The following CRYBB2 variants were observed in gnomAD, a reference collection of about 807,000 sequenced individuals.
The protein encoded by CRYBB2 is beta-crystallin B2.
Under a neutral mutation model 24.3 loss-of-function variants are expected in CRYBB2, and 12 were observed. The observed-to-expected ratio is 0.49, with a 90% CI of 0.32 to 0.80. The LOEUF is 0.80. Ranked by LOEUF, CRYBB2 falls within the 30% of genes least tolerant of loss-of-function variation. CRYBB2 has a pLI of 0.04. For synonymous variants in CRYBB2, 98 were observed against 101.6 expected (o/e 0.96, Z 0.21); for missense variants, 198 against 268.5 (o/e 0.74, Z 1.83).
intron 5 of CRYBB2, 80 bp from the exon 6 acceptor site, chr22:25,231,524 C>T: frequency 1.4e-6 from 2 of 1,380,780 alleles, no homozygotes; most frequent in Non-Finnish European, 1.0e-6. Flanking sequence ...GATGCTCTAT[C>T]TCTCTCCCCT....
chr22:25,218,216 G>GCA (rs1569015429), upstream of CRYBB2, among the ~76,000 whole-genome samples: 3 of 149,676 alleles, frequency 2.0e-5, no homozygotes, highest in Non-Finnish European at 4.4e-5. Context: ...CTGAGATCGT[G>GCA]CCACTGCACT....
upstream of CRYBB2, among the ~76,000 whole-genome samples, chr22:25,219,141 C>T (rs1273976264): frequency 2.6e-5 from 4 of 152,188 alleles, no homozygotes; most frequent in Non-Finnish European, 4.4e-5. Context: ...AGGAGCTTTT[C>T]TGAATGGCCT....
upstream of CRYBB2, among the ~76,000 whole-genome samples, chr22:25,216,647 C>T (rs2146082073): frequency 6.6e-6 from 1 of 152,262 alleles, no homozygotes; most frequent in East Asian, 1.9e-4. Context: ...TACTGCATAG[C>T]ATAAAATTAA....
chr22:25,218,125 G>T (rs1403398433), upstream of CRYBB2, among the ~76,000 whole-genome samples: 1 of 150,932 alleles, frequency 6.6e-6, no homozygotes, highest in African/African-American at 2.4e-5. Context: ...CGGGCGTGTT[G>T]GCGGGCGCCT....
chr22:25,224,155 C>T (rs1569019216), intron 2 of CRYBB2, among the ~76,000 whole-genome samples: 2 of 151,604 alleles, frequency 1.3e-5, no homozygotes, highest in African/African-American at 4.8e-5. Flanking sequence ...TCACTGGAAC[C>T]ATGAAAGGTG....
In CRYBB2 at chr22:25,221,440, A is replaced by T. The variant is rs1935318166; in HGVS notation, c.11A>T (p.Asp4Val). 1.2e-5 allele frequency: 19 copies of T among 1,613,912 alleles called. No homozygotes were observed. Among genetic ancestry groups the T allele is most frequent in the Non-Finnish European group, 1.6e-5 (19 of 1,179,800 alleles). MAS[D>V]HQTQAGKPQS... is the part of the protein sequence containing the mutation. ...ACAGGACAGTCCACCATGGCCTCAG[A>T]TCACCAGACCCAGGCGGGCAAGCCA... Residue 4 changes from aspartate (D) to valine (V), a missense_variant, in exon 2 of 6, where the codon GAT becomes GTT. By Grantham distance (152) the Asp-to-Val change is radical. Coordinates refer to ENST00000398215, the MANE Select transcript of CRYBB2 (RefSeq NM_000496.3).
At chr22:25,218,798 GAAAGAAAGA>G, upstream of CRYBB2, among the ~76,000 whole-genome samples, 1 of 98,330 alleles carries the variant, frequency 1.0e-5, no homozygotes. Context: ...AAGAAAGAAA[GAAAGAAAGA>G]AAGAAAGAAA....
upstream of CRYBB2, among the ~76,000 whole-genome samples, chr22:25,219,368 G>A (rs73879217): frequency 6.4e-4 from 98 of 152,290 alleles, 1 homozygote; most frequent in African/African-American, 2.2e-3. Context: ...TGAACCCAGC[G>A]TACCCCTGGC....
intron 4 of CRYBB2, among the ~76,000 whole-genome samples, chr22:25,228,985 TGTGTGGGTGTGCGTGTGTGTGCAA>T (rs1222172270): frequency 6.6e-6 from 1 of 150,760 alleles, no homozygotes; most frequent in Non-Finnish European, 1.5e-5. Flanking sequence ...TGTGCACGCA[TGTGTGGGTGTGCGTGTGTGTGCAA>T]GTGTGGGTGT....
chr22:25,220,779 G>GTGCC (rs1468747551), intron 1 of CRYBB2, among the ~76,000 whole-genome samples: 1 of 152,214 alleles, frequency 6.6e-6, no homozygotes, highest in East Asian at 1.9e-4. Context: ...GCCTGCCACA[G>GTGCC]TGCCTGGATT....
At chr22:25,230,990 A>G (rs1287603147) in intron 5 of CRYBB2, among the ~76,000 whole-genome samples, 1 of 152,174 alleles carries the variant, frequency 6.6e-6, no homozygotes. Flanking sequence ...GGAGCCTGGT[A>G]GGTCTGAGAA....
chr22:25,231,646 C>T lies in CRYBB2; in HGVS notation c.492C>T (p.Tyr164=). The change falls in exon 6 of 6, where the codon TAC becomes TAT. Residue 164 remains tyrosine, a synonymous_variant. Coordinates refer to ENST00000398215, the MANE Select transcript of CRYBB2 (RefSeq NM_000496.3). ...YQYPGYRGLQ[Y]LLEKGDYKDS... is the part of the protein sequence containing the mutation. ...ACCCCGGCTACCGTGGGCTGCAGTA[C>T]CTGCTGGAGAAGGGAGACTACAAGG... 1 of 1,614,146 alleles carries T rather than the reference C, an allele frequency of 6.2e-7. No individual in the cohort carries two copies. The highest frequency in any genetic ancestry group is 8.5e-7 in the Non-Finnish European group (1 of 1,180,022).
upstream of CRYBB2, among the ~76,000 whole-genome samples, chr22:25,218,779 G>GAGAGAAGAAAGAAAGA (rs1935251085): frequency 8.7e-5 from 3 of 34,526 alleles, no homozygotes; most frequent in South Asian, 1.2e-3. Flanking sequence ...GAGAGAGAGA[G>GAGAGAAGAAAGAAAGA]AAGAAAGAAA....
chr22:25,214,853 G>A (rs960556074), upstream of CRYBB2, among the ~76,000 whole-genome samples: 16 of 152,346 alleles, frequency 1.1e-4, no homozygotes, highest in South Asian at 2.1e-4. Context: ...CTTCGTGGCT[G>A]TGAGCCTTTG....
At chr22:25,224,060 C>A (rs2146089261) in intron 2 of CRYBB2, among the ~76,000 whole-genome samples, 1 of 149,516 alleles carries the variant, frequency 6.7e-6, no homozygotes, top group South Asian at 2.1e-4. Flanking sequence ...GGAGGCGGAG[C>A]TTGCAGTGAG....
chr22:25,214,211 A>C (rs1569013649), intron 1 of CRYBB2, among the ~76,000 whole-genome samples: 1 of 152,072 alleles, frequency 6.6e-6, no homozygotes, highest in Non-Finnish European at 1.5e-5. Context: ...AGATGTGAAA[A>C]CCTGTAGTCT....
chr22:25,228,979 C>T (rs551640088), intron 4 of CRYBB2, among the ~76,000 whole-genome samples: 1 of 148,148 alleles, frequency 6.8e-6, no homozygotes, highest in African/African-American at 2.5e-5. Context: ...TGTGTGTGTG[C>T]ACGCATGTGT....
Position 25,229,594 on chromosome 22 carries a change from G to A in CRYBB2, c.449+16G>A. On this transcript the variant is annotated intron_variant, in intron 5 of 5. Coordinates refer to ENST00000398215, the MANE Select transcript of CRYBB2 (RefSeq NM_000496.3). ...AGAGTGGCACGTAAGTGCGTTGCCA[G>A]CCCTGGCTCACCCTGCCCCAGGAAC... is the stretch of plus-strand genomic sequence containing the variant. 1.2e-6 allele frequency: 2 copies of A among 1,614,060 alleles called. No individual in the cohort carries two copies. The highest frequency in any genetic ancestry group is 1.1e-5 in the South Asian group (1 of 91,008).
At chr22:25,230,826 T>C (rs1047637373) in intron 5 of CRYBB2, among the ~76,000 whole-genome samples, 2 of 150,692 alleles carry the variant, frequency 1.3e-5, no homozygotes, top group African/African-American at 4.9e-5. Flanking sequence ...GTAAATACTT[T>C]AAGAATTCAC....
Sources: allele counts gnomAD v4.1 joint callset (sites outside exome capture counted in the v4.1 genomes callset), GRCh38; gene constraint gnomAD v4.1.1; transcripts MANE v1.5; gene names NCBI Gene and HGNC (gene_info 2026-07-23, HGNC 2026-07-21).